Variants in TMEM43 observed in about 807,000 individuals in gnomAD.
The protein encoded by TMEM43 is transmembrane protein 43.
A neutral mutation model predicts 49.6 loss-of-function variants in TMEM43; 45 were observed. The observed-to-expected ratio is 0.91, with a 90% CI of 0.71 to 1.16. The LOEUF is 1.16. Among genes scored for constraint, TMEM43 ranks in the 50% most tolerant of loss-of-function variants. The pLI is 0.00. For synonymous variants in TMEM43, 199 were observed against 207.8 expected (o/e 0.96, Z 0.36); for missense variants, 532 against 516.6 (o/e 1.03, Z -0.29).
In TMEM43 at chr3:14,136,712, G is replaced by C. The variant is rs1226941278; in HGVS notation, c.882+804G>C. On this transcript the variant is annotated intron_variant, in intron 10 of 11. Transcript: ENST00000306077. ...AGCGGGGAGAGGGAGTGGGTGGGGG[G>C]GCTCCACCAAAGTCTGTGTCCTTCC... Among the ~76,000 whole-genome samples, 4 of 150,184 alleles carry C rather than the reference G, an allele frequency of 2.7e-5. No homozygotes were observed. In the Admixed American group the frequency reaches 2.7e-4, roughly 10 times the overall value.
At chr3:14,129,070 A>G in intron 1 of TMEM43, 2 of 434,078 alleles carry the variant, frequency 4.6e-6, no homozygotes, top group Non-Finnish European at 9.2e-6. Context: ...TTGTAGAAGA[A>G]ACAAACTAAT....
In TMEM43 at chr3:14,133,924, T is replaced by G. The variant is rs1695133669; in HGVS notation, c.583+115T>G. The G allele has an allele frequency of 6.1e-6, 6 of 986,916 alleles. No homozygotes were observed. In the Admixed American group the frequency reaches 8.6e-5, roughly 14 times the overall value. 61.1% of individuals were successfully genotyped at this position (986,916 alleles called of 1,614,324 possible). A position where few individuals can be genotyped will look rare whatever the true frequency, so the allele number is the denominator to read the frequency against. Reference sequence around the variant, plus strand: ...TAAAGGCACAGGATCAGTCTGCACCTTTCCCAGCACCATGCTTTGGGGGCC... The same window carrying G: ...TAAAGGCACAGGATCAGTCTGCACCGTTCCCAGCACCATGCTTTGGGGGCC... On this transcript the variant is annotated intron_variant, in intron 7 of 11. Transcript: ENST00000306077.
Position 14,142,533 on chromosome 3 carries a change from G to A in TMEM43, c.*738G>A, listed in dbSNP as rs886058033. 1 of 152,412 alleles carries A rather than the reference G, an allele frequency of 6.6e-6. No homozygotes were observed. The highest frequency in any genetic ancestry group is 1.5e-5 in the Non-Finnish European group (1 of 68,016). The allele number at this position is 152,412 out of a possible 1,614,324, so 9.4% of individuals were successfully genotyped here. On this transcript the variant is annotated 3_prime_UTR_variant, in exon 12 of 12. Transcript: ENST00000306077. ...TCATGTGTACTTTCCTACCCCAAGA[G>A]GAAGTTTTCTGAAATAAGATTTAAA...
chr3:14,138,287 G>A (rs1265751086), intron 10 of TMEM43, among the ~76,000 whole-genome samples: 1 of 152,192 alleles, frequency 6.6e-6, no homozygotes, highest in African/African-American at 2.4e-5. Context: ...GCAGGGTCAG[G>A]GCACTGGCAG....
chr3:14,131,792 T>A, intron 4 of TMEM43, 118 bp downstream of exon 4: 1 of 796,866 alleles, frequency 1.3e-6, no homozygotes, highest in South Asian at 1.5e-5. Context: ...AACATCTTCC[T>A]ATCAGAAAAG....
chr3:14,125,223 A>C lies in TMEM43; in HGVS notation c.12+18A>C. ...CCGCGAATGTGAGTATCCCCGGGCC[A>C]GCCGGGCCACACCCAGGCTTCCCCG... On this transcript the variant is annotated intron_variant, in intron 1 of 11. Coordinates refer to ENST00000306077, the MANE Select transcript of TMEM43 (RefSeq NM_024334.3). The C allele has an allele frequency of 6.2e-7, 1 of 1,605,058 alleles. No homozygotes were observed. Among genetic ancestry groups the C allele is most frequent in the Non-Finnish European group, 8.5e-7 (1 of 1,176,772 alleles).
chr3:14,138,192 T>C (rs1020583671), intron 10 of TMEM43, among the ~76,000 whole-genome samples: 6 of 152,108 alleles, frequency 3.9e-5, no homozygotes, highest in Non-Finnish European at 8.8e-5. Context: ...CAGGCATGAC[T>C]GCAGGCAATC....
intron 1 of TMEM43, chr3:14,128,727 A>G (rs192078574): frequency 7.5e-4 from 202 of 270,980 alleles, no homozygotes; most frequent in South Asian, 5.2e-3. Context: ...AGTTTCATAA[A>G]AAGTTAAACG....
chr3:14,138,894 G>A (rs945483249), intron 10 of TMEM43, among the ~76,000 whole-genome samples: 2 of 152,202 alleles, frequency 1.3e-5, no homozygotes, highest in Non-Finnish European at 2.9e-5. Flanking sequence ...GTGGTGGGCA[G>A]GGTCCTGCTC....
At chr3:14,137,893 T>C (rs187024806) in intron 10 of TMEM43, 1 of 152,364 alleles carries the variant, frequency 6.6e-6, no homozygotes, top group Admixed American at 6.5e-5. Flanking sequence ...TAGCGTTTAG[T>C]TAACTGCTTG....
intron 1 of TMEM43, among the ~76,000 whole-genome samples, chr3:14,128,505 G>A (rs1234296404): frequency 6.6e-6 from 1 of 152,118 alleles, no homozygotes; most frequent in Non-Finnish European, 1.5e-5. Context: ...TACCCCAGGT[G>A]GAAGGGGTCA....
At position 14,129,455 on chromosome 3, in the gene TMEM43, C is replaced by A; in HGVS notation, c.56C>A (p.Thr19Asn). 1 of 1,613,884 alleles carries A rather than the reference C, an allele frequency of 6.2e-7. No individual in the cohort carries two copies. Among genetic ancestry groups the A allele is most frequent in the East Asian group, 2.2e-5 (1 of 44,870 alleles). Residue 19 changes from threonine (T) to asparagine (N), a missense_variant, in exon 2 of 12, where the codon ACC (threonine) becomes AAC (asparagine). Transcript: ENST00000306077. The stretch of plus-strand genomic sequence containing the variant: ...CGGAGAGAACATGTCAAAGTTAAAA[C>A]CAGCTCCCAGCCAGGCTTCCTGGAA... ...STRREHVKVK[T>N]SSQPGFLERL...
rs753209951 is a variant in TMEM43, at chr3:14,129,413, A to G, written c.14A>G (p.Tyr5Cys). 2 of 1,610,712 alleles carry G rather than the reference A, an allele frequency of 1.2e-6. No homozygotes were observed. The highest frequency in any genetic ancestry group is 8.5e-7 in the Non-Finnish European group (1 of 1,178,618). Residue 5 changes from tyrosine (Y) to cysteine (C), a missense_variant and splice_region_variant, in exon 2 of 12, where the codon TAT becomes TGT. Tyr to Cys is a radical substitution (Grantham distance 194). Coordinates refer to ENST00000306077, the MANE Select transcript of TMEM43 (RefSeq NM_024334.3). MAAN[Y>C]SSTSTRREHV... is the part of the protein sequence containing the mutation. ...CTGTTACTGTTTCTTTTTCTTCAGT[A>G]TTCCAGTACCAGTACCCGGAGAGAA...
At chr3:14,134,394 C>T (rs539481072) in intron 7 of TMEM43, among the ~76,000 whole-genome samples, 9 of 152,266 alleles carry the variant, frequency 5.9e-5, no homozygotes, top group East Asian at 3.9e-4. Flanking sequence ...CTGGCCTGGC[C>T]GCTTTCTGTG....
chr3:14,135,615 C>T (rs773840289), intron 9 of TMEM43, among the ~76,000 whole-genome samples, 192 bp from the exon 10 acceptor site: 18 of 152,200 alleles, frequency 1.2e-4, no homozygotes, highest in Non-Finnish European at 2.1e-4. Flanking sequence ...ATGCCTGGAG[C>T]TTTGAATGGA....
Position 14,140,511 on chromosome 3 carries a change from GTA to G in TMEM43, c.1001-1081_1001-1080del, listed in dbSNP as rs530659271. Among the ~76,000 whole-genome samples the G allele has an allele frequency of 2.1e-3, 321 of 152,302 alleles. 1 individual carries two copies. The highest frequency in any genetic ancestry group is 6.8e-3 in the Middle Eastern group (2 of 294). On this transcript the variant is annotated intron_variant, in intron 11 of 11. Transcript: ENST00000306077. ...ATGCGTTTGATAAATACCAACGTGTGTAAGACTCCACAGCTAGAGACAGACAA... is the reference window on the plus strand; with the variant it reads ...ATGCGTTTGATAAATACCAACGTGTGAGACTCCACAGCTAGAGACAGACAA...
chr3:14,125,499 G>A (rs1695006763), intron 1 of TMEM43, among the ~76,000 whole-genome samples: 1 of 152,180 alleles, frequency 6.6e-6, no homozygotes, highest in Non-Finnish European at 1.5e-5. Flanking sequence ...GCCTCTCCGC[G>A]GCCCCTCCTT....
At chr3:14,132,787 A>T in intron 5 of TMEM43, 79 bp from the exon 6 acceptor site, 7 of 1,469,394 alleles carry the variant, frequency 4.8e-6, no homozygotes, top group Non-Finnish European at 6.7e-6. Flanking sequence ...TGGCTGTGAG[A>T]TAGGAGGAGC....
chr3:14,130,677 C>G, intron 2 of TMEM43, 145 bp from the exon 3 acceptor site: 2 of 1,077,514 alleles, frequency 1.9e-6, no homozygotes, highest in East Asian at 2.6e-5. Context: ...TCTCCACTTG[C>G]TAGACCTCAG....
Sources: gnomAD v4.1 joint callset for allele counts (sites outside exome capture counted in the v4.1 genomes callset) on GRCh38, gnomAD v4.1.1 for gene constraint, MANE v1.5 for transcripts, NCBI Gene and HGNC (gene_info 2026-07-23, HGNC 2026-07-21) for gene names.